NCF2: variants seen among roughly 807,000 people sequenced by gnomAD.
NCF2 encodes neutrophil cytosol factor 2.
In NCF2, 45 loss-of-function variants were observed where a neutral mutation model predicts 70.9. That is an observed-to-expected ratio of 0.63 (90% CI 0.50 to 0.81). NCF2 has a LOEUF of 0.81. Ranked by LOEUF, NCF2 falls within the 40% of genes least tolerant of loss-of-function variation. The pLI is 0.00. For synonymous variants in NCF2, 203 were observed against 233.6 expected, an observed-to-expected ratio of 0.87 and a Z score of 1.19; for missense variants, 522 against 631.6, an observed-to-expected ratio of 0.83 and a Z score of 1.86.
intron 2 of NCF2, among the ~76,000 whole-genome samples, chr1:183,581,281 C>CAAAA (rs1303349542): frequency 3.7e-4 from 25 of 66,816 alleles, no homozygotes; most frequent in African/African-American, 1.1e-3. Flanking sequence ...AATCCTGACT[C>CAAAA]AAAAAAAAAA....
intron 2 of NCF2, among the ~76,000 whole-genome samples, chr1:183,577,937 G>A (rs72550873): frequency 2.0e-5 from 3 of 152,144 alleles, no homozygotes; most frequent in African/African-American, 7.2e-5. Flanking sequence ...TGAGTGCCTC[G>A]TCTTGGACAG....
chr1:183,601,493 T>A, the NCF2 span, among the ~76,000 whole-genome samples: 77 of 152,354 alleles, frequency 5.1e-4, no homozygotes, highest in Non-Finnish European at 1.0e-3. Context: ...TGCATTTTTT[T>A]AAAAGTATAA....
chr1:183,599,426 CTTT>C, the NCF2 span, among the ~76,000 whole-genome samples: 9 of 75,482 alleles, frequency 1.2e-4, no homozygotes, highest in African/African-American at 4.3e-4. Flanking sequence ...TTCTTTCCTT[CTTT>C]CTTTCTTTCT....
chr1:183,567,151 A>G (rs1205788198), intron 8 of NCF2, 53 bp downstream of exon 8: 2 of 1,613,432 alleles, frequency 1.2e-6, no homozygotes, highest in Non-Finnish European at 1.7e-6. Context: ...CAGAGACTGC[A>G]TTTGCTGCCA....
At chr1:183,589,588 C>T (rs540858921) in intron 1 of NCF2, among the ~76,000 whole-genome samples, 2 of 152,296 alleles carry the variant, frequency 1.3e-5, no homozygotes, top group African/African-American at 4.8e-5. Context: ...CACCATGCCC[C>T]CAGCAGACAT....
chr1:183,599,918 C>G, the NCF2 span, among the ~76,000 whole-genome samples: 2 of 152,108 alleles, frequency 1.3e-5, no homozygotes, highest in African/African-American at 2.4e-5. Flanking sequence ...CTACCAATAT[C>G]AGTAAGATAT....
chr1:183,567,916 T>C (rs1218329365), intron 7 of NCF2, among the ~76,000 whole-genome samples: 1 of 152,096 alleles, frequency 6.6e-6, no homozygotes, highest in Non-Finnish European at 1.5e-5. Flanking sequence ...TTCCCTTAAG[T>C]CTGACTTCAT....
intron 11 of NCF2, 179 bp from the exon 12 acceptor site, chr1:183,563,764 T>C (rs1453587196): frequency 4.7e-6 from 4 of 842,450 alleles, no homozygotes; most frequent in Middle Eastern, 3.6e-4. Context: ...GCCCAACCCT[T>C]GCTTGGACAG....
intron 2 of NCF2, among the ~76,000 whole-genome samples, chr1:183,584,699 T>C (rs774701366): frequency 2.0e-5 from 3 of 152,126 alleles, no homozygotes; most frequent in African/African-American, 4.8e-5. Context: ...GAAGGATTTG[T>C]TGTTAGGCCT....
chr1:183,563,316 G>A lies in NCF2; in HGVS notation c.1179-10C>T, dbSNP rs1558092345. On this transcript the variant is annotated splice_polypyrimidine_tract_variant and intron_variant, in intron 12 of 14. Transcript: ENST00000367535. ...GTCCCGAGGCCGATAGCTGGGTGGG[G>A]ATAATGAGTAAGAATCCAGTCAAAG... 1 of 1,613,918 alleles carries A rather than the reference G, an allele frequency of 6.2e-7. No homozygotes were observed. Among genetic ancestry groups the A allele is most frequent in the South Asian group, 1.1e-5 (1 of 91,080 alleles).
At chr1:183,585,762 C>T (rs575529899) in intron 2 of NCF2, among the ~76,000 whole-genome samples, 83 of 152,092 alleles carry the variant, frequency 5.5e-4, no homozygotes, top group African/African-American at 2.0e-3. Flanking sequence ...GAATTTTTTT[C>T]CTTTGTTATT....
intron 3 of NCF2, among the ~76,000 whole-genome samples, chr1:183,574,823 T>A (rs553969184): frequency 6.6e-6 from 1 of 152,202 alleles, no homozygotes; most frequent in Non-Finnish European, 1.5e-5. Flanking sequence ...GAAAACACCA[T>A]GGAATGCGTA....
At chr1:183,561,435 C>T (rs1407768673) in intron 13 of NCF2, among the ~76,000 whole-genome samples, 1 of 152,084 alleles carries the variant, frequency 6.6e-6, no homozygotes, top group Non-Finnish European at 1.5e-5. Flanking sequence ...TTCTCAGAAC[C>T]TCAGTTACCT....
intron 7 of NCF2, 81 bp downstream of exon 7, chr1:183,569,061 T>C (rs1364416590): frequency 7.3e-7 from 1 of 1,365,146 alleles, no homozygotes; most frequent in Non-Finnish European, 1.0e-6. Context: ...GACCCCACCT[T>C]CATCTTCTTC....
chr1:183,584,745 G>C (rs1056814609), intron 2 of NCF2, among the ~76,000 whole-genome samples: 1 of 152,162 alleles, frequency 6.6e-6, no homozygotes, highest in South Asian at 2.1e-4. Context: ...CGGGGTAAGG[G>C]GGAGTGAGAA....
chr1:183,571,409 G>A (rs574451768), intron 5 of NCF2, among the ~76,000 whole-genome samples: 5 of 152,196 alleles, frequency 3.3e-5, no homozygotes, highest in South Asian at 4.1e-4. Flanking sequence ...GAGCCACCAC[G>A]CCCAGCCCAA....
chr1:183,563,967 C>T (rs1223976293), intron 11 of NCF2, 38 bp downstream of exon 11: 1 of 1,580,152 alleles, frequency 6.3e-7, no homozygotes, highest in African/African-American at 1.3e-5. Context: ...GCTATCCCAT[C>T]TTCTACCACT....
In NCF2 at chr1:183,555,848, ACT is replaced by A. The variant is rs886045650; in HGVS notation, c.*268_*269del. The A allele has an allele frequency of 4.7e-5, 25 of 527,300 alleles. No homozygotes were observed. The highest frequency in any genetic ancestry group is 2.3e-4 in the East Asian group (7 of 29,870). 32.7% of individuals were successfully genotyped at this position (527,300 alleles called of 1,614,324 possible). A position where few individuals can be genotyped will look rare whatever the true frequency, so the allele number is the denominator to read the frequency against. On this transcript the variant is annotated 3_prime_UTR_variant, in exon 15 of 15. Transcript: ENST00000367535. ...AAGAAACAGGATCAGTACCTGGAAG[ACT>A]CTCTCGTGCCCTTTCCAGACACTTC...
upstream of NCF2, among the ~76,000 whole-genome samples, chr1:183,593,644 T>A (rs994000493): frequency 2.0e-5 from 3 of 152,236 alleles, no homozygotes; most frequent in Admixed American, 6.5e-5. Context: ...TCTAGATCCA[T>A]GACCTTGCTA....
Sources: allele counts gnomAD v4.1 joint callset (sites outside exome capture counted in the v4.1 genomes callset), GRCh38; gene constraint gnomAD v4.1.1; transcripts MANE v1.5; gene names NCBI Gene and HGNC (gene_info 2026-07-23, HGNC 2026-07-21).